Variants in TBR1 observed in about 807,000 individuals in gnomAD.
TBR1 encodes the protein T-box brain transcription factor 1.
Under a neutral mutation model 60.3 loss-of-function variants are expected in TBR1, and 7 were observed. That is an observed-to-expected ratio of 0.12 (90% CI 0.07 to 0.22). TBR1 has a LOEUF of 0.22. TBR1 is among the 10% of genes least tolerant of loss of function. The pLI, the probability that TBR1 is intolerant of heterozygous loss-of-function variation, is 1.00. For synonymous variants in TBR1, 417 were observed against 409.9 expected (o/e 1.02, Z -0.21); for missense variants, 616 against 936.8 (o/e 0.66, Z 4.47).
At position 161,417,552 on chromosome 2, in the gene TBR1, T is replaced by G; in HGVS notation, c.693-124T>G. The G allele has an allele frequency of 8.2e-7, 1 of 1,212,514 alleles. No homozygotes were observed. Among genetic ancestry groups the G allele is most frequent in the African/African-American group, 1.5e-5 (1 of 65,686 alleles). The allele number at this position is 1,212,514 out of a possible 1,614,324, so 75.1% of individuals were successfully genotyped here. A position where few individuals can be genotyped will look rare whatever the true frequency, so the allele number is the denominator to read the frequency against. Reference sequence around the variant, plus strand: ...CACCCTTTTTCTAATCCAGCAAATATTCGCCTATTTGCTGCAAGTACAAGT... The same window carrying G: ...CACCCTTTTTCTAATCCAGCAAATAGTCGCCTATTTGCTGCAAGTACAAGT... On this transcript the variant is annotated intron_variant, in intron 1 of 5. Coordinates refer to ENST00000389554, the MANE Select transcript of TBR1 (RefSeq NM_006593.4). This position sits in a 1 kb window ranked among gnomAD's most constrained non-coding sequence, Gnocchi z 5.3.
Position 161,416,833 on chromosome 2 carries a change from C to A in TBR1, c.423C>A (p.Ser141Arg), listed in dbSNP as rs1574148979. The change falls in exon 1 of 6, where the codon AGC becomes AGA. Residue 141 changes from serine (S) to arginine (R), a missense_variant. Physicochemically the swap from Ser to Arg is moderately radical, Grantham distance 110 (BLOSUM62 -1). This residue lies in a region of TBR1 where 211 missense variants were observed against 268.7 expected (regional missense o/e 0.79). Coordinates refer to ENST00000389554, the MANE Select transcript of TBR1 (RefSeq NM_006593.4). This position sits in a 1 kb window ranked among gnomAD's most constrained non-coding sequence, Gnocchi z 6.1. ...GPAHPAFSIG[S>R]PSRYMAHHPV... is the part of the protein sequence containing the mutation. ...CGCACCCCGCCTTCTCCATCGGCAGCCCTAGCCGCTACATGGCCCACCACC... is the reference window on the plus strand; with the variant it reads ...CGCACCCCGCCTTCTCCATCGGCAGACCTAGCCGCTACATGGCCCACCACC... The A allele has an allele frequency of 6.2e-7, 1 of 1,614,038 alleles. No individual in the cohort carries two copies.
intron 5 of TBR1, chr2:161,423,083 C>G: frequency 3.0e-6 from 1 of 329,906 alleles, no homozygotes; most frequent in Non-Finnish European, 5.5e-6. Flanking sequence ...GTACACTTGA[C>G]GAGAGAGAGC....
At position 161,417,739 on chromosome 2, in the gene TBR1, T is replaced by C; in HGVS notation, c.756T>C (p.Ile252=). 1 of 1,614,198 alleles carries C rather than the reference T, an allele frequency of 6.2e-7. No homozygotes were observed. The highest frequency in any genetic ancestry group is 8.5e-7 in the Non-Finnish European group (1 of 1,180,036). Residue 252 remains isoleucine (I), a synonymous_variant, in exon 2 of 6, where the codon ATT becomes ATC. Coordinates refer to ENST00000389554, the MANE Select transcript of TBR1 (RefSeq NM_006593.4). This position sits in a 1 kb window ranked among gnomAD's most constrained non-coding sequence, Gnocchi z 5.3. ...SGLDPTAHYN[I]FVDVILADPN... ...TCGATCCCACGGCTCATTACAATATTTTTGTGGATGTGATTTTGGCGGATC... is the reference window on the plus strand; with the variant it reads ...TCGATCCCACGGCTCATTACAATATCTTTGTGGATGTGATTTTGGCGGATC...
In TBR1 at chr2:161,417,152, G is replaced by A. The variant is rs1237065008; in HGVS notation, c.692+50G>A. ...CTGCTCTAGGCGCAGCCGGGGACAA[G>A]TGCACCTAGGCTGTGACTGCCGCGG... is the stretch of plus-strand genomic sequence containing the variant. On this transcript the variant is annotated intron_variant, in intron 1 of 5. Transcript: ENST00000389554. This position sits in a 1 kb window ranked among gnomAD's most constrained non-coding sequence, Gnocchi z 5.3. 1.3e-6 allele frequency: 2 copies of A among 1,523,460 alleles called. No individual in the cohort carries two copies. The highest frequency in any genetic ancestry group is 2.8e-5 in the African/African-American group (2 of 72,288). 94.4% of individuals were successfully genotyped at this position (1,523,460 alleles called of 1,614,324 possible).
At position 161,420,260 on chromosome 2, in the gene TBR1, A is replaced by G; in HGVS notation, c.1190+3A>G. 4 of 1,612,234 alleles carry G rather than the reference A, an allele frequency of 2.5e-6. No homozygotes were observed. In the South Asian group the frequency reaches 4.4e-5, roughly 18 times the overall value. On this transcript the variant is annotated splice_donor_region_variant and intron_variant, in intron 5 of 5. Transcript: ENST00000389554. The stretch of plus-strand genomic sequence containing the variant: ...GGATTTCGGGATAATTATGACACGT[A>G]AGTAACTTTGTATCTTCCTTTTCAA...
In TBR1 at chr2:161,416,803, A is replaced by G. The variant is rs1366630269; in HGVS notation, c.393A>G (p.Gly131=). Residue 131 remains glycine (G), a synonymous_variant, in exon 1 of 6, where the codon GGA becomes GGG. Coordinates refer to ENST00000389554, the MANE Select transcript of TBR1 (RefSeq NM_006593.4). This position sits in a 1 kb window ranked among gnomAD's most constrained non-coding sequence, Gnocchi z 6.1. ...SAMFPYPGQH[G]PAHPAFSIGS... The stretch of plus-strand genomic sequence containing the variant: ...TGTTCCCGTACCCCGGCCAGCACGG[A>G]CCGGCGCACCCCGCCTTCTCCATCG... 2 of 1,614,084 alleles carry G rather than the reference A, an allele frequency of 1.2e-6. No individual in the cohort carries two copies. The highest frequency in any genetic ancestry group is 1.7e-6 in the Non-Finnish European group (2 of 1,180,014).
intron 5 of TBR1, chr2:161,421,184 C>T (rs1260095038): frequency 3.3e-5 from 5 of 152,256 alleles, no homozygotes; most frequent in Admixed American, 3.3e-4. Flanking sequence ...GTACATACAT[C>T]TTAATTTCGT....
chr2:161,422,629 T>G (rs1404255559), intron 5 of TBR1: 1 of 152,236 alleles, frequency 6.6e-6, no homozygotes, highest in African/African-American at 2.4e-5. Context: ...CCTTTTCTCT[T>G]AAGAGAATAT....
At chr2:161,419,120 C>A in intron 4 of TBR1, 70 bp downstream of exon 4, 2 of 1,605,434 alleles carry the variant, frequency 1.2e-6, no homozygotes, top group South Asian at 1.1e-5. Flanking sequence ...CACATTCTCC[C>A]GCCATGCAAG....
chr2:161,421,072 A>G (rs1312762798), intron 5 of TBR1: 1 of 152,260 alleles, frequency 6.6e-6, no homozygotes, highest in Admixed American at 6.5e-5. Context: ...TTGTTCTGCA[A>G]TTCTCACTCA....
rs373388614 is a variant in TBR1, at chr2:161,416,584, G to A, written c.174G>A (p.Gly58=). The A allele has an allele frequency of 1.9e-4, 304 of 1,614,012 alleles. No individual in the cohort carries two copies. Among genetic ancestry groups the A allele is most frequent in the Non-Finnish European group, 2.4e-4 (286 of 1,180,034 alleles). The change falls in exon 1 of 6, where the codon GGG becomes GGA. Residue 58 remains glycine, a synonymous_variant. Transcript: ENST00000389554. This position sits in a 1 kb window ranked among gnomAD's most constrained non-coding sequence, Gnocchi z 6.1. ...RSSPLKKITR[G]MTNQSDTDNF... is the part of the protein sequence containing the mutation. ...CACCTTTGAAAAAAATTACCAGGGG[G>A]ATGACGAATCAGTCAGATACAGACA...
rs780720807 is a variant in TBR1 at position 161,423,517 on chromosome 2, CCGGGCG to C, written c.1351_1356del (p.Ala451_Gly452del). 6.9e-6 allele frequency: 11 copies of C among 1,585,448 alleles called. No homozygotes were observed. Among genetic ancestry groups the C allele is most frequent in the South Asian group, 1.1e-5 (1 of 87,632 alleles). On this transcript the variant is annotated inframe_deletion, in exon 6 of 6. Coordinates refer to ENST00000389554, the MANE Select transcript of TBR1 (RefSeq NM_006593.4). ...CAACTACGCCAAGGCCCGCTTCCAC[CCGGGCG>C]CGGGCGCGGGCCCCGGGCCGGGTAC...
rs769124762 is a variant in TBR1, at chr2:161,423,858, G to C, written c.1680G>C (p.Ser560=). 71 of 1,425,258 alleles carry C rather than the reference G, an allele frequency of 5.0e-5. No individual in the cohort carries two copies. Among genetic ancestry groups the C allele is most frequent in the Non-Finnish European group, 6.3e-5 (69 of 1,090,052 alleles). The allele number at this position is 1,425,258 out of a possible 1,614,324, so 88.3% of individuals were successfully genotyped here. A position where few individuals can be genotyped will look rare whatever the true frequency, so the allele number is the denominator to read the frequency against. Residue 560 remains serine, a synonymous_variant, in exon 6 of 6, where the codon TCG becomes TCC. Transcript: ENST00000389554. ...PPQYCGTKSG[S]VLPCWPNSAA... Reference sequence around the variant, plus strand: ...AGTACTGCGGCACCAAGTCGGGCTCGGTGCTGCCCTGCTGGCCCAACAGCG... The same window carrying C: ...AGTACTGCGGCACCAAGTCGGGCTCCGTGCTGCCCTGCTGGCCCAACAGCG...
Position 161,416,664 on chromosome 2 carries a change from C to T in TBR1, c.254C>T (p.Pro85Leu), listed in dbSNP as rs1417056245. ...PGDVQRSKLS[P>L]VLDGVSELRH... Reference sequence around the variant, plus strand: ...GACGTCCAGAGAAGTAAACTCTCTCCTGTCTTGGACGGGGTCTCTGAGCTT... The same window carrying T: ...GACGTCCAGAGAAGTAAACTCTCTCTTGTCTTGGACGGGGTCTCTGAGCTT... The change falls in exon 1 of 6, where the codon CCT becomes CTT. Residue 85 changes from proline (P) to leucine (L), a missense_variant. Transcript: ENST00000389554. This position sits in a 1 kb window ranked among gnomAD's most constrained non-coding sequence, Gnocchi z 6.1. 2 of 1,614,104 alleles carry T rather than the reference C, an allele frequency of 1.2e-6. No homozygotes were observed. The highest frequency in any genetic ancestry group is 3.3e-5 in the Admixed American group (2 of 60,004).
chr2:161,423,711 C>G lies in TBR1; in HGVS notation c.1533C>G (p.Ala511=). The G allele has an allele frequency of 1.3e-6, 2 of 1,531,438 alleles. No homozygotes were observed. Among genetic ancestry groups the G allele is most frequent in the South Asian group, 2.4e-5 (2 of 82,778 alleles). The allele number at this position is 1,531,438 out of a possible 1,614,324, so 94.9% of individuals were successfully genotyped here. A position where few individuals can be genotyped will look rare whatever the true frequency, so the allele number is the denominator to read the frequency against. The part of the protein sequence containing the change: ...DTATDFAGNA[A]TLLSYAAAGV... Reference sequence around the variant, plus strand: ...CCACGGACTTCGCGGGCAACGCGGCCACGCTGCTCTCTTACGCGGCGGCGG... The same window carrying G: ...CCACGGACTTCGCGGGCAACGCGGCGACGCTGCTCTCTTACGCGGCGGCGG... The change falls in exon 6 of 6, where the codon GCC becomes GCG. Residue 511 remains alanine (A), a synonymous_variant. Transcript: ENST00000389554.
chr2:161,420,150 T>C, intron 4 of TBR1, 46 bp from the exon 5 acceptor site: 1 of 1,530,964 alleles, frequency 6.5e-7, no homozygotes, highest in Non-Finnish European at 9.0e-7. Flanking sequence ...ACACCCAGTC[T>C]TCACGTATAA....
Position 161,416,994 on chromosome 2 carries a change from C to T in TBR1, c.584C>T (p.Thr195Ile). 1.2e-6 allele frequency: 2 copies of T among 1,614,206 alleles called. No homozygotes were observed. Among genetic ancestry groups the T allele is most frequent in the East Asian group, 2.2e-5 (1 of 44,868 alleles). The change falls in exon 1 of 6, where the codon ACC becomes ATC. Residue 195 changes from threonine (T) to isoleucine (I), a missense_variant. Thr to Ile is a moderately conservative substitution (Grantham distance 89, BLOSUM62 -1). Around this residue, in one of 8 missense-constraint regions of TBR1, gnomAD observed 211 missense variants for 268.7 expected, o/e 0.79. Transcript: ENST00000389554. This position sits in a 1 kb window ranked among gnomAD's most constrained non-coding sequence, Gnocchi z 6.1. ...GCTCCGTTCTACCAGTTCTCCTCCA[C>T]CCAGCCGGGGCTGGTGCCCGGCAAA... ...QGAPFYQFSS[T>I]QPGLVPGKAQ...
Position 161,424,089 on chromosome 2 carries a change from G to C in TBR1, c.1911G>C (p.Arg637=). The C allele has an allele frequency of 6.2e-7, 1 of 1,611,892 alleles. No individual in the cohort carries two copies. Among genetic ancestry groups the C allele is most frequent in the Non-Finnish European group, 8.5e-7 (1 of 1,179,374 alleles). ...SDSGIYEQAK[R]RRISPADTPV... ...CGGGGATTTACGAGCAGGCCAAGCG[G>C]AGGCGGATCTCGCCGGCCGACACGC... Residue 637 remains arginine, a synonymous_variant, in exon 6 of 6, where the codon CGG becomes CGC. Transcript: ENST00000389554. The surrounding 1 kb of genome is among the most constrained non-coding windows in gnomAD (Gnocchi z 4.4).
chr2:161,418,330 G>T lies in TBR1; in HGVS notation c.969+8G>T, dbSNP rs898197383. 6.2e-7 allele frequency: 1 copy of T among 1,610,940 alleles called. No homozygotes were observed. The highest frequency in any genetic ancestry group is 1.3e-5 in the African/African-American group (1 of 74,776). On this transcript the variant is annotated splice_region_variant and intron_variant, in intron 3 of 5. Transcript: ENST00000389554. The stretch of plus-strand genomic sequence containing the variant: ...TCAAATAACAATGGGCAGGTCAGTG[G>T]CTCAAGCGCTCGTGTTTTCTCTCTC...
Sources: allele counts gnomAD v4.1 joint callset, GRCh38; gene constraint gnomAD v4.1.1; regional missense constraint gnomAD v4.1.1; non-coding constraint Gnocchi (gnomAD v3.1); transcripts MANE v1.5; gene names NCBI Gene and HGNC (gene_info 2026-07-23, HGNC 2026-07-21).